The following SPAG17 variants were observed in gnomAD, a reference collection of about 807,000 sequenced individuals.
The protein encoded by SPAG17 is sperm associated antigen 17.
Under a neutral mutation model 273.6 loss-of-function variants are expected in SPAG17, and 169 were observed. That is an observed-to-expected ratio of 0.62 (90% CI 0.55 to 0.70). The LOEUF (loss-of-function observed/expected upper bound fraction) is 0.70, where lower values mean the gene tolerates loss of function less well. Ranked by LOEUF, SPAG17 falls within the 30% of genes least tolerant of loss-of-function variation. The probability of loss-of-function intolerance (pLI) is 0.00; values close to 1 mark genes in which losing one functional copy is unlikely to be tolerated. For missense variants in SPAG17, 2,557 were observed against 2,627.8 expected (o/e 0.97, Z 0.59); for synonymous variants, 825 against 873.2 (o/e 0.94, Z 0.97).
At chr1:118,045,720 T>C (rs1452624162) in intron 20 of SPAG17, among the ~76,000 whole-genome samples, 1 of 152,154 alleles carries the variant, frequency 6.6e-6, no homozygotes, top group African/African-American at 2.4e-5. Flanking sequence ...CACCCAATAC[T>C]TGTGATTGGC....
rs777104974 is a variant in SPAG17, at chr1:117,984,727, G to T, written c.5725C>A (p.Pro1909Thr). The T allele has an allele frequency of 1.2e-6, 2 of 1,611,046 alleles. No homozygotes were observed. Among genetic ancestry groups the T allele is most frequent in the Admixed American group, 1.7e-5 (1 of 59,918 alleles). The change falls in exon 41 of 49, where the codon CCA becomes ACA. Residue 1909 changes from proline to threonine, a missense_variant. Transcript: ENST00000336338. The part of the protein sequence containing the change: ...YLMDIKNRII[P>T]PFFKSELNQL... Reference sequence around the variant, plus strand: ...TTCAATTCAGATTTAAAAAAGGGTGGTATTATGCGGTTCTTAATATCCATT... The same window carrying T: ...TTCAATTCAGATTTAAAAAAGGGTGTTATTATGCGGTTCTTAATATCCATT...
chr1:118,171,774 A>G (rs990350768), intron 1 of SPAG17, among the ~76,000 whole-genome samples: 2 of 152,144 alleles, frequency 1.3e-5, no homozygotes, highest in Non-Finnish European at 2.9e-5. Context: ...GTAAGAGACC[A>G]AATATTTAAC....
intron 15 of SPAG17, among the ~76,000 whole-genome samples, chr1:118,078,514 C>G (rs1407683975): frequency 6.6e-6 from 1 of 152,058 alleles, no homozygotes; most frequent in Non-Finnish European, 1.5e-5. Context: ...TTTCTACATA[C>G]ACAGTATTTA....
intron 1 of SPAG17, among the ~76,000 whole-genome samples, chr1:118,165,864 C>T (rs1025779406): frequency 2.3e-4 from 35 of 152,086 alleles, no homozygotes; most frequent in African/African-American, 7.9e-4. Context: ...AGGATGGTCT[C>T]AATCTCCTGA....
chr1:117,958,596 T>C (rs1240628587), intron 48 of SPAG17, among the ~76,000 whole-genome samples: 1 of 152,192 alleles, frequency 6.6e-6, no homozygotes, highest in Non-Finnish European at 1.5e-5. Flanking sequence ...AGGCTCATTC[T>C]GTCTTTGAGT....
chr1:118,011,976 T>TAC (rs1659517223), intron 30 of SPAG17, among the ~76,000 whole-genome samples: 1 of 151,868 alleles, frequency 6.6e-6, no homozygotes, highest in Non-Finnish European at 1.5e-5. Context: ...TATATATATA[T>TAC]ACACAATATC....
intron 3 of SPAG17, among the ~76,000 whole-genome samples, chr1:118,115,962 A>C (rs1657052629): frequency 6.6e-6 from 1 of 152,232 alleles, no homozygotes; most frequent in African/African-American, 2.4e-5. Context: ...GCGCCATATG[A>C]ATGTTGCTCC....
chr1:118,055,949 C>T, intron 18 of SPAG17, 35 bp from the exon 19 acceptor site: 1 of 1,535,850 alleles, frequency 6.5e-7, no homozygotes, highest in Non-Finnish European at 8.8e-7. Flanking sequence ...AATTGAGTTA[C>T]TATGAAAGTC....
At chr1:118,029,006 T>C (rs2101870817) in intron 25 of SPAG17, among the ~76,000 whole-genome samples, 1 of 152,288 alleles carries the variant, frequency 6.6e-6, no homozygotes, top group East Asian at 1.9e-4. Context: ...TTTCAGCTAC[T>C]TGAAAGAGTG....
intron 24 of SPAG17, among the ~76,000 whole-genome samples, chr1:118,034,326 C>T (rs1351219374): frequency 2.6e-5 from 4 of 152,198 alleles, no homozygotes; most frequent in Non-Finnish European, 2.9e-5. Context: ...AGGGTATCTA[C>T]TGCAAAATGT....
At chr1:117,981,134 G>T in intron 43 of SPAG17, 136 bp downstream of exon 43, 1 of 852,652 alleles carries the variant, frequency 1.2e-6, no homozygotes, top group South Asian at 2.6e-5. Context: ...TTGCAAAGCT[G>T]CATAGCTCCA....
intron 1 of SPAG17, among the ~76,000 whole-genome samples, chr1:118,157,560 T>C (rs1437031811): frequency 6.6e-6 from 1 of 152,174 alleles, no homozygotes; most frequent in Non-Finnish European, 1.5e-5. Context: ...ATGGGGCCAA[T>C]GATCTGGGAG....
intron 30 of SPAG17, among the ~76,000 whole-genome samples, chr1:118,008,920 A>G (rs1427851112): frequency 6.6e-6 from 1 of 152,086 alleles, no homozygotes; most frequent in Non-Finnish European, 1.5e-5. Context: ...TTGTTTTTCT[A>G]TTCTGCCACT....
chr1:117,973,656 G>A (rs1654817782), intron 43 of SPAG17, 95 bp from the exon 44 acceptor site: 6 of 1,280,600 alleles, frequency 4.7e-6, no homozygotes, highest in Non-Finnish European at 6.3e-6. Flanking sequence ...AACCAACTTG[G>A]AAACTTTTTT....
intron 1 of SPAG17, among the ~76,000 whole-genome samples, chr1:118,164,928 G>A (rs763199817): frequency 1.2e-4 from 18 of 152,134 alleles, no homozygotes; most frequent in Non-Finnish European, 2.1e-4. Context: ...GTTACCTGTG[G>A]TATTTCAAAC....
chr1:118,080,850 T>C (rs1654491723), intron 15 of SPAG17, among the ~76,000 whole-genome samples: 1 of 152,192 alleles, frequency 6.6e-6, no homozygotes, highest in Non-Finnish European at 1.5e-5. Flanking sequence ...ACACTAATGA[T>C]GAAAGTTTTA....
intron 3 of SPAG17, among the ~76,000 whole-genome samples, chr1:118,130,399 A>G (rs1224100679): frequency 6.6e-6 from 1 of 152,172 alleles, no homozygotes; most frequent in Admixed American, 6.5e-5. Flanking sequence ...ATTCCTAAGT[A>G]CTTTTGAGTT....
chr1:118,097,273 A>G (rs1655773109), intron 7 of SPAG17, among the ~76,000 whole-genome samples: 1 of 152,088 alleles, frequency 6.6e-6, no homozygotes, highest in South Asian at 2.1e-4. Context: ...TAGAAAAGCA[A>G]TGTATGAACT....
chr1:118,166,272 G>T (rs1048789965), intron 1 of SPAG17, among the ~76,000 whole-genome samples: 1 of 152,190 alleles, frequency 6.6e-6, no homozygotes, highest in Non-Finnish European at 1.5e-5. Flanking sequence ...ACAAGGGAAA[G>T]CCAGGAAACA....
Sources: gnomAD v4.1 joint callset for allele counts (sites outside exome capture counted in the v4.1 genomes callset) on GRCh38, gnomAD v4.1.1 for gene constraint, MANE v1.5 for transcripts, NCBI Gene and HGNC (gene_info 2026-07-23, HGNC 2026-07-21) for gene names.